The following GALNT10 variants were observed in gnomAD, a reference collection of about 807,000 sequenced individuals.
GALNT10 encodes the protein GalNAc transferase 10.
Under a neutral mutation model 75.0 loss-of-function variants are expected in GALNT10, and 41 were observed. The ratio of observed to expected loss-of-function variants is 0.55; its 90% CI spans 0.43 to 0.71. GALNT10 has a LOEUF of 0.71. Ranked by LOEUF, GALNT10 falls within the 30% of genes least tolerant of loss-of-function variation. The probability of loss-of-function intolerance (pLI) is 0.00; values close to 1 mark genes in which losing one functional copy is unlikely to be tolerated. For missense variants in GALNT10, 727 were observed against 818.5 expected (o/e 0.89, Z 1.36); for synonymous variants, 302 against 313.0 (o/e 0.96, Z 0.37).
At chr5:154,330,908 G>GTGTGTGTGTGTGTGTGTGT (rs1754848603) in intron 4 of GALNT10, among the ~76,000 whole-genome samples, 4 of 125,920 alleles carry the variant, frequency 3.2e-5, no homozygotes, top group African/African-American at 1.1e-4. Flanking sequence ...AGACAGAGAG[G>GTGTGTGTGTGTGTGTGTGT]GTGTGTGTGT....
intron 9 of GALNT10, among the ~76,000 whole-genome samples, chr5:154,411,074 C>T (rs1448840780): frequency 6.6e-6 from 1 of 152,046 alleles, no homozygotes; most frequent in Non-Finnish European, 1.5e-5. Context: ...CCTACCCATT[C>T]ATTGATGGAT....
chr5:154,382,681 A>C (rs1487486888), intron 6 of GALNT10, among the ~76,000 whole-genome samples: 1 of 152,240 alleles, frequency 6.6e-6, no homozygotes, highest in Admixed American at 6.5e-5. Flanking sequence ...TGAGGTTAGA[A>C]TAGGCTGCTC....
chr5:154,210,805 TAG>T, intron 1 of GALNT10, among the ~76,000 whole-genome samples: 1 of 152,374 alleles, frequency 6.6e-6, no homozygotes, highest in South Asian at 2.1e-4. Context: ...ATATGAACTG[TAG>T]ATTAGATAAT....
intron 1 of GALNT10, among the ~76,000 whole-genome samples, chr5:154,257,802 T>A (rs1753637389): frequency 6.6e-6 from 1 of 152,188 alleles, no homozygotes; most frequent in Middle Eastern, 3.2e-3. Context: ...TTATCTGACA[T>A]CATTAGGGAG....
intron 1 of GALNT10, among the ~76,000 whole-genome samples, chr5:154,227,935 T>C (rs1442540887): frequency 6.6e-6 from 1 of 152,182 alleles, no homozygotes; most frequent in Non-Finnish European, 1.5e-5. Flanking sequence ...GGTGTTTGGA[T>C]CATGGAGGTG....
At position 154,245,975 on chromosome 5, in the gene GALNT10, C is replaced by T. The variant is rs868105493; in HGVS notation, c.160-48841C>T. On this transcript the variant is annotated intron_variant, in intron 1 of 11. Transcript: ENST00000297107. ...CCTCCCCACTCCCCCCACCCCACAA[C>T]AGGCCCCAGAGTGTGATGTTCCCCT... 2.0e-4 allele frequency among the ~76,000 whole-genome samples: 30 copies of T among 150,670 alleles called. 1 individual carries two copies. The highest frequency in any genetic ancestry group is 1.5e-3 in the South Asian group (7 of 4,710).
At chr5:154,267,897 G>T (rs1753801454) in intron 1 of GALNT10, among the ~76,000 whole-genome samples, 2 of 152,094 alleles carry the variant, frequency 1.3e-5, no homozygotes, top group Admixed American at 6.6e-5. Flanking sequence ...ATTAAAAAAA[G>T]AAAAAGTCTC....
chr5:154,315,590 G>A (rs1260012862), intron 3 of GALNT10, among the ~76,000 whole-genome samples: 1 of 152,242 alleles, frequency 6.6e-6, no homozygotes, highest in Non-Finnish European at 1.5e-5. Flanking sequence ...GGTCTGGTGA[G>A]CCTCATTTGG....
At position 154,376,469 on chromosome 5, in the gene GALNT10, G is replaced by A. The variant is rs375987647; in HGVS notation, c.754+7G>A. The A allele has an allele frequency of 5.8e-6, 9 of 1,562,720 alleles. No individual in the cohort carries two copies. In the African/African-American group the frequency reaches 9.7e-5, roughly 17 times the overall value. ...TGGCTTCCCCCCTTGCTTGGTAAGGGAGCCCCTCCCACTTGGAGGGAGGCA... is the reference window on the plus strand; with the variant it reads ...TGGCTTCCCCCCTTGCTTGGTAAGGAAGCCCCTCCCACTTGGAGGGAGGCA... On this transcript the variant is annotated splice_region_variant and intron_variant, in intron 5 of 11. Transcript: ENST00000297107. The surrounding 1 kb of genome is among the most constrained non-coding windows in gnomAD (Gnocchi z 4.1).
chr5:154,368,774 A>G (rs1482633085), intron 4 of GALNT10, among the ~76,000 whole-genome samples: 1 of 152,152 alleles, frequency 6.6e-6, no homozygotes, highest in Non-Finnish European at 1.5e-5. Context: ...TTTCCTTCTC[A>G]ACTTGTCTTT....
At position 154,416,808 on chromosome 5, in the gene GALNT10, T is replaced by G; in HGVS notation, c.1654-6T>G. On this transcript the variant is annotated splice_region_variant and splice_polypyrimidine_tract_variant and intron_variant, in intron 11 of 11. Transcript: ENST00000297107. This position sits in a 1 kb window ranked among gnomAD's most constrained non-coding sequence, Gnocchi z 4.5. ...CTGTCTGGCTTATTACCTCCATGTT[T>G]TGTAGGACAAGACCCTGTACCACCC... The G allele has an allele frequency of 3.1e-6, 5 of 1,610,604 alleles. No individual in the cohort carries two copies. Among genetic ancestry groups the G allele is most frequent in the Non-Finnish European group, 4.2e-6 (5 of 1,176,842 alleles).
At chr5:154,370,599 G>C (rs753531559) in intron 4 of GALNT10, among the ~76,000 whole-genome samples, 10 of 152,264 alleles carry the variant, frequency 6.6e-5, no homozygotes, top group Non-Finnish European at 1.3e-4. Context: ...TGGGGCCTTT[G>C]AACACCAGAA....
chr5:154,262,828 A>G (rs1753719485), intron 1 of GALNT10, among the ~76,000 whole-genome samples: 1 of 152,104 alleles, frequency 6.6e-6, no homozygotes, highest in Non-Finnish European at 1.5e-5. Context: ...ACTAGACCCC[A>G]TTTTTATTCT....
At chr5:154,415,672 A>ATAT (rs1473378342) in intron 10 of GALNT10, 111 bp from the exon 11 acceptor site, 1 of 1,033,114 alleles carries the variant, frequency 9.7e-7, no homozygotes, top group Non-Finnish European at 1.4e-6. Flanking sequence ...ACAGGTTAAT[A>ATAT]TATTATTATT....
intron 1 of GALNT10, among the ~76,000 whole-genome samples, chr5:154,225,343 C>T (rs1581927410): frequency 1.3e-5 from 2 of 151,616 alleles, no homozygotes; most frequent in Non-Finnish European, 2.9e-5. Flanking sequence ...CCGCCCACCT[C>T]GGCCTCCCAA....
At chr5:154,341,464 G>T (rs775216886) in intron 4 of GALNT10, among the ~76,000 whole-genome samples, 3 of 152,174 alleles carry the variant, frequency 2.0e-5, no homozygotes, top group Admixed American at 6.5e-5. Context: ...GTGAAAGCAG[G>T]TGGAATTATA....
intron 4 of GALNT10, among the ~76,000 whole-genome samples, chr5:154,342,241 T>C (rs1755045798): frequency 6.6e-6 from 1 of 152,184 alleles, no homozygotes; most frequent in South Asian, 2.1e-4. Flanking sequence ...AATGAGGACG[T>C]ACAAGAGGGT....
intron 1 of GALNT10, among the ~76,000 whole-genome samples, chr5:154,242,371 TA>T (rs1428701205): frequency 1.3e-5 from 2 of 152,144 alleles, no homozygotes; most frequent in African/African-American, 4.8e-5. Context: ...TTAAGGTTTC[TA>T]GGGTGACTGT....
intron 6 of GALNT10, among the ~76,000 whole-genome samples, chr5:154,382,038 G>C (rs1263352878): frequency 6.6e-6 from 1 of 152,158 alleles, no homozygotes; most frequent in Non-Finnish European, 1.5e-5. Flanking sequence ...CTGGGGAGTC[G>C]TACCTCTCAC....
Sources: allele counts gnomAD v4.1 joint callset (sites outside exome capture counted in the v4.1 genomes callset), GRCh38; gene constraint gnomAD v4.1.1; non-coding constraint Gnocchi (gnomAD v3.1); transcripts MANE v1.5; gene names NCBI Gene and HGNC (gene_info 2026-07-23, HGNC 2026-07-21).